The following POPDC1 variants were observed in gnomAD, a reference collection of about 807,000 sequenced individuals.
The protein encoded by POPDC1 is popeye domain-containing protein 1.
At chr6:105,136,429 G>A in the POPDC1 span, 7 of 152,282 alleles carry the variant, frequency 4.6e-5, no homozygotes, top group Non-Finnish European at 5.9e-5. Context: ...CGGGACGCGG[G>A]GGTGAGGAGT....
the POPDC1 span, among the ~76,000 whole-genome samples, chr6:105,102,178 G>C: frequency 6.6e-6 from 1 of 152,192 alleles, no homozygotes; most frequent in Non-Finnish European, 1.5e-5. Flanking sequence ...GAACTCAGCT[G>C]GGGAGAAGGT....
At chr6:105,103,031 G>A in the POPDC1 span, among the ~76,000 whole-genome samples, 4 of 152,196 alleles carry the variant, frequency 2.6e-5, no homozygotes, top group Non-Finnish European at 4.4e-5. Flanking sequence ...GTTCTCAGGC[G>A]AGTTCTTCCC....
At chr6:105,101,297 T>C in the POPDC1 span, 162 of 1,373,020 alleles carry the variant, frequency 1.2e-4, no homozygotes, top group Non-Finnish European at 1.5e-4. Context: ...AAATTCCAAC[T>C]GGAAAATAAA....
the POPDC1 span, among the ~76,000 whole-genome samples, chr6:105,103,712 G>A: frequency 6.6e-6 from 1 of 152,108 alleles, no homozygotes; most frequent in Non-Finnish European, 1.5e-5. Context: ...GGACTAACTG[G>A]TTTCTAGTTT....
At chr6:105,105,715 C>T in the POPDC1 span, among the ~76,000 whole-genome samples, 6 of 142,284 alleles carry the variant, frequency 4.2e-5, no homozygotes, top group South Asian at 5.1e-4. Context: ...TAATAAATAA[C>T]TTCTACAGGT....
the POPDC1 span, among the ~76,000 whole-genome samples, chr6:105,108,880 C>T: frequency 0.013 from 1,910 of 152,282 alleles, 54 homozygotes; most frequent in African/African-American, 0.044. Flanking sequence ...ATAACTTGAC[C>T]GTTTCAAAGT....
chr6:105,099,254 G>A, the POPDC1 span: 21 of 152,166 alleles, frequency 1.4e-4, no homozygotes, highest in Admixed American at 1.3e-4. Flanking sequence ...ATGAGTGACC[G>A]AGCATGTAAA....
the POPDC1 span, among the ~76,000 whole-genome samples, chr6:105,103,400 G>A: frequency 6.6e-6 from 1 of 152,036 alleles, no homozygotes; most frequent in Non-Finnish European, 1.5e-5. Flanking sequence ...TAAAGGAAAT[G>A]GGCCTTGTGC....
At chr6:105,135,144 T>C in the POPDC1 span, among the ~76,000 whole-genome samples, 1 of 152,216 alleles carries the variant, frequency 6.6e-6, no homozygotes, top group Non-Finnish European at 1.5e-5. Flanking sequence ...GTCCTGTTTG[T>C]CCTCTAGGAG....
chr6:105,136,730 G>C, the POPDC1 span: 1 of 152,336 alleles, frequency 6.6e-6, no homozygotes, highest in African/African-American at 2.4e-5. Flanking sequence ...GACCCGGGGA[G>C]AAGGGCGGCC....
chr6:105,126,164 T>G, the POPDC1 span, among the ~76,000 whole-genome samples: 3 of 150,544 alleles, frequency 2.0e-5, no homozygotes, highest in Non-Finnish European at 2.9e-5. Context: ...AGGTGGAGGT[T>G]GCAGTGAGCT....
the POPDC1 span, among the ~76,000 whole-genome samples, chr6:105,108,442 A>T: frequency 6.6e-6 from 1 of 152,232 alleles, no homozygotes; most frequent in Non-Finnish European, 1.5e-5. Flanking sequence ...AACAATAAGC[A>T]GTATGAAAAG....
At chr6:105,120,276 A>C in the POPDC1 span, among the ~76,000 whole-genome samples, 1 of 846 alleles carries the variant, frequency 1.2e-3, no homozygotes, top group African/African-American at 1.4e-3. Context: ...AAAAAAAAAA[A>C]AAAAAAAAAA....
At chr6:105,103,463 T>G in the POPDC1 span, among the ~76,000 whole-genome samples, 1 of 151,856 alleles carries the variant, frequency 6.6e-6, no homozygotes, top group African/African-American at 2.4e-5. Flanking sequence ...GTGGCAAAAT[T>G]GTCTTTAAAA....
the POPDC1 span, among the ~76,000 whole-genome samples, chr6:105,102,912 G>A: frequency 6.6e-6 from 1 of 152,184 alleles, no homozygotes; most frequent in Non-Finnish European, 1.5e-5. Context: ...GACATTTACA[G>A]CAAAAATACT....
the POPDC1 span, among the ~76,000 whole-genome samples, chr6:105,114,311 T>G: frequency 6.6e-6 from 1 of 152,214 alleles, no homozygotes; most frequent in Non-Finnish European, 1.5e-5. Context: ...CCTTTTCTCT[T>G]GTTAATCTAT....
At chr6:105,135,496 C>A in the POPDC1 span, among the ~76,000 whole-genome samples, 2 of 152,010 alleles carry the variant, frequency 1.3e-5, no homozygotes, top group South Asian at 4.1e-4. Flanking sequence ...TACATGTTGC[C>A]CCTCGAGTTC....
At chr6:105,114,270 C>A in the POPDC1 span, among the ~76,000 whole-genome samples, 1 of 152,226 alleles carries the variant, frequency 6.6e-6, no homozygotes, top group Non-Finnish European at 1.5e-5. Flanking sequence ...GCTTTTAACA[C>A]AAACTCATAC....
At chr6:105,124,723 T>C in the POPDC1 span, 2 of 1,119,158 alleles carry the variant, frequency 1.8e-6, no homozygotes, top group African/African-American at 3.1e-5. Context: ...TTAAAACTGC[T>C]ATCATCTTAT....
Sources: allele counts gnomAD v4.1 joint callset (sites outside exome capture counted in the v4.1 genomes callset), GRCh38; gene constraint gnomAD v4.1.1; transcripts MANE v1.5; gene names NCBI Gene and HGNC (gene_info 2026-07-23, HGNC 2026-07-21).